Variants in PRKCE observed in about 807,000 individuals in gnomAD.
The protein encoded by PRKCE is protein kinase C epsilon type.
PRKCE carries 16 observed loss-of-function variants against 85.4 expected under a neutral mutation model. That is an observed-to-expected ratio of 0.19 (90% CI 0.13 to 0.28). PRKCE has a LOEUF of 0.28. Among genes scored for constraint, PRKCE ranks in the 10% least tolerant of loss-of-function variants. The pLI is 1.00. For missense variants in PRKCE, 573 were observed against 975.2 expected, an observed-to-expected ratio of 0.59 and a Z score of 5.49; for synonymous variants, 388 against 371.5, an observed-to-expected ratio of 1.04 and a Z score of -0.51.
intron 13 of PRKCE, among the ~76,000 whole-genome samples, chr2:46,157,643 G>A (rs1056789625): frequency 1.3e-5 from 2 of 152,228 alleles, no homozygotes; most frequent in South Asian, 2.1e-4. Flanking sequence ...AGGGTGAGAC[G>A]TTCATGAGAA....
intron 10 of PRKCE, among the ~76,000 whole-genome samples, chr2:46,029,392 C>T (rs964574727): frequency 2.0e-5 from 3 of 152,124 alleles, no homozygotes; most frequent in Non-Finnish European, 4.4e-5. Context: ...TTTATTTCCC[C>T]ATTTTATGGA....
chr2:45,899,356 T>G (rs1460707323), intron 2 of PRKCE, among the ~76,000 whole-genome samples: 1 of 152,010 alleles, frequency 6.6e-6, no homozygotes, highest in African/African-American at 2.4e-5. Flanking sequence ...TCCTCCTTCC[T>G]TCCAAGTCTT....
At chr2:45,810,709 A>G (rs11889626) in intron 1 of PRKCE, among the ~76,000 whole-genome samples, 135,655 of 152,268 alleles carry the variant, frequency 0.89, 60,479 homozygotes, top group African/African-American at 0.91. Flanking sequence ...TCAGCCTCCT[A>G]AGTAGCTGGG....
chr2:45,863,445 C>T (rs1045236826), intron 2 of PRKCE, among the ~76,000 whole-genome samples: 2 of 151,980 alleles, frequency 1.3e-5, no homozygotes, highest in Non-Finnish European at 2.9e-5. Context: ...GAATCAGGAC[C>T]CCAAACAGCT....
intron 2 of PRKCE, among the ~76,000 whole-genome samples, chr2:45,965,356 C>T (rs760466518): frequency 1.6e-3 from 242 of 152,304 alleles, no homozygotes; most frequent in African/African-American, 4.0e-3. Flanking sequence ...ATAAAAGGCA[C>T]GGCTGCTTTG....
intron 1 of PRKCE, among the ~76,000 whole-genome samples, chr2:45,748,024 G>A (rs2104717633): frequency 6.6e-6 from 1 of 152,210 alleles, no homozygotes; most frequent in South Asian, 2.1e-4. Context: ...TGGTTTTGCT[G>A]TTGTTATTAA....
chr2:46,091,509 A>C (rs921245180), intron 11 of PRKCE, among the ~76,000 whole-genome samples: 1 of 152,198 alleles, frequency 6.6e-6, no homozygotes, highest in African/African-American at 2.4e-5. Context: ...CTTGGCAGCC[A>C]GGAAGGTATC....
At position 45,832,731 on chromosome 2, in the gene PRKCE, C is replaced by A. The variant is rs371467330; in HGVS notation, c.349-10269C>A. On this transcript the variant is annotated intron_variant, in intron 1 of 14. Transcript: ENST00000306156. ...GGCAGCCTGCCAGGCCTCAAGGTAC[C>A]TATTGGAAGCATTGGGTCTCCACTT... 8.4e-4 allele frequency among the ~76,000 whole-genome samples: 128 copies of A among 152,292 alleles called. 2 individuals are homozygous for A. In the South Asian group the frequency reaches 0.026, roughly 31 times the overall value.
At chr2:45,727,000 A>G (rs1681130543) in intron 1 of PRKCE, among the ~76,000 whole-genome samples, 1 of 152,194 alleles carries the variant, frequency 6.6e-6, no homozygotes, top group African/African-American at 2.4e-5. Flanking sequence ...GACAAGCTCT[A>G]TTGAGTTTGA....
chr2:45,709,677 C>T (rs549581514), intron 1 of PRKCE, among the ~76,000 whole-genome samples: 2 of 152,302 alleles, frequency 1.3e-5, no homozygotes, highest in African/African-American at 4.8e-5. Context: ...TCAGGGACTT[C>T]CAGATCTAAA....
At chr2:45,710,222 C>T (rs1428774416) in intron 1 of PRKCE, among the ~76,000 whole-genome samples, 4 of 152,156 alleles carry the variant, frequency 2.6e-5, no homozygotes, top group African/African-American at 4.8e-5. Context: ...TATCACTATC[C>T]TCATATGACG....
chr2:45,667,114 C>T (rs1675950174), intron 1 of PRKCE, among the ~76,000 whole-genome samples: 1 of 152,116 alleles, frequency 6.6e-6, no homozygotes, highest in African/African-American at 2.4e-5. Flanking sequence ...AGTTCGAGAC[C>T]AGCCTGGCCA....
At chr2:46,066,890 G>A (rs770067098) in intron 10 of PRKCE, among the ~76,000 whole-genome samples, 1 of 152,106 alleles carries the variant, frequency 6.6e-6, no homozygotes, top group African/African-American at 2.4e-5. Flanking sequence ...ACGTGGTAAA[G>A]GAAACTCATT....
chr2:46,097,519 C>CAAAAAAA (rs66634467), intron 11 of PRKCE, among the ~76,000 whole-genome samples: 56 of 94,098 alleles, frequency 6.0e-4, no homozygotes, highest in African/African-American at 1.8e-3. Context: ...GACTCCGTCT[C>CAAAAAAA]AAAAAAAAAA....
At position 46,004,529 on chromosome 2, in the gene PRKCE, C is replaced by G. The variant is rs946831727; in HGVS notation, c.967-13C>G. Reference sequence around the variant, plus strand: ...CTTCTGATGCCTCTGTCCCTGCTTTCTCTCCTCTCTAGCTCATTGCTGGTG... The same window carrying G: ...CTTCTGATGCCTCTGTCCCTGCTTTGTCTCCTCTCTAGCTCATTGCTGGTG... On this transcript the variant is annotated splice_polypyrimidine_tract_variant and intron_variant, in intron 7 of 14. Transcript: ENST00000306156. The surrounding 1 kb of genome is among the most constrained non-coding windows in gnomAD (Gnocchi z 4.1). 2.6e-6 allele frequency: 4 copies of G among 1,566,392 alleles called. No homozygotes were observed. The highest frequency in any genetic ancestry group is 1.3e-5 in the African/African-American group (1 of 74,408).
intron 11 of PRKCE, among the ~76,000 whole-genome samples, chr2:46,109,012 T>C (rs1255634606): frequency 6.6e-6 from 1 of 152,170 alleles, no homozygotes; most frequent in Non-Finnish European, 1.5e-5. Flanking sequence ...TTGGCTGTAT[T>C]TGAGTCTATT....
chr2:46,062,118 T>C (rs527991994), intron 10 of PRKCE, among the ~76,000 whole-genome samples: 2 of 152,212 alleles, frequency 1.3e-5, no homozygotes, highest in Non-Finnish European at 2.9e-5. Flanking sequence ...TGCTTCAGCC[T>C]CCCAAAGTGC....
intron 2 of PRKCE, among the ~76,000 whole-genome samples, chr2:45,857,563 A>T (rs1475793499): frequency 6.6e-6 from 1 of 152,008 alleles, no homozygotes; most frequent in Non-Finnish European, 1.5e-5. Flanking sequence ...CATTGTTTCG[A>T]TGGATTGATT....
chr2:45,735,206 C>T lies in PRKCE; in HGVS notation c.348+82758C>T, dbSNP rs1013235307. 2.0e-5 allele frequency among the ~76,000 whole-genome samples: 3 copies of T among 152,360 alleles called. No homozygotes were observed. The South Asian group carries it at 6.2e-4, about 32-fold the overall frequency. On this transcript the variant is annotated intron_variant, in intron 1 of 14. Coordinates refer to ENST00000306156, the MANE Select transcript of PRKCE (RefSeq NM_005400.3). ...ACCCCTGCAGGCTGGTTTGGTTCCA[C>T]GCATGGCAAGTCTGCCATATCTCCC...
Sources: gnomAD v4.1 joint callset for allele counts (sites outside exome capture counted in the v4.1 genomes callset) on GRCh38, gnomAD v4.1.1 for gene constraint, Gnocchi (gnomAD v3.1) non-coding constraint, MANE v1.5 for transcripts, NCBI Gene and HGNC (gene_info 2026-07-23, HGNC 2026-07-21) for gene names.